The following CD226 variants were observed in gnomAD, a reference collection of about 807,000 sequenced individuals.
The protein encoded by CD226 is CD226 antigen.
CD226 carries 24 observed loss-of-function variants against 34.9 expected under a neutral mutation model. That is an observed-to-expected ratio of 0.69 (90% CI 0.50 to 0.97). The LOEUF (loss-of-function observed/expected upper bound fraction) is 0.97, where lower values mean the gene tolerates loss of function less well. Ranked by LOEUF, CD226 falls within the 50% of genes least tolerant of loss-of-function variation. CD226 has a pLI of 0.00. For synonymous variants in CD226, 148 were observed against 147.4 expected (o/e 1.00, Z -0.03); for missense variants, 397 against 412.7 (o/e 0.96, Z 0.33).
At chr18:69,938,105 C>T (rs1014870645) in intron 2 of CD226, among the ~76,000 whole-genome samples, 2 of 152,172 alleles carry the variant, frequency 1.3e-5, no homozygotes, top group Admixed American at 6.5e-5. Flanking sequence ...CAGTGAGGAA[C>T]ATCTCTGTGC....
rs1243332998 is a variant in CD226, at chr18:69,858,009, T to C, written c.*6305A>G. ...GTTGCAGGTTTAAAAATCAATAGAT[T>C]TGAATAAAGTTAAAGTCTAGAAAAA... On this transcript the variant is annotated 3_prime_UTR_variant, in exon 6 of 6. Transcript: ENST00000582621. 3 of 152,166 alleles carry C rather than the reference T, an allele frequency of 2.0e-5. No individual in the cohort carries two copies. Among genetic ancestry groups the C allele is most frequent in the Non-Finnish European group, 2.9e-5 (2 of 68,028 alleles). 9.4% of individuals were successfully genotyped at this position (152,166 alleles called of 1,614,324 possible).
At chr18:69,888,294 A>C (rs1250530793) in intron 3 of CD226, among the ~76,000 whole-genome samples, 1 of 152,208 alleles carries the variant, frequency 6.6e-6, no homozygotes, top group East Asian at 1.9e-4. Flanking sequence ...AACAATTCCC[A>C]GGTGCTTTTA....
intron 2 of CD226, among the ~76,000 whole-genome samples, chr18:69,937,642 C>T (rs2055671779): frequency 6.6e-6 from 1 of 152,128 alleles, no homozygotes; most frequent in South Asian, 2.1e-4. Context: ...TCAGGAAAGA[C>T]TTGATGAGTG....
rs1314887289 is a variant in CD226, at chr18:69,855,677, T to A, written c.*8637A>T. The A allele has an allele frequency of 1.3e-5, 2 of 151,908 alleles. No homozygotes were observed. Among genetic ancestry groups the A allele is most frequent in the South Asian group, 2.1e-4 (1 of 4,820 alleles). The allele number at this position is 151,908 out of a possible 1,614,324, so 9.4% of individuals were successfully genotyped here. On this transcript the variant is annotated 3_prime_UTR_variant, in exon 6 of 6. Transcript: ENST00000582621. ...AAAACCTAGGTTGATCAATGAAAGA[T>A]ATGCCACGAGAGAAAATTAAATCAT... is the stretch of plus-strand genomic sequence containing the variant.
chr18:69,957,223 T>TGCCTTTTCTTCCTCGTGTTTTTTC (rs1279486865), upstream of CD226: 1 of 152,240 alleles, frequency 6.6e-6, no homozygotes, highest in East Asian at 1.9e-4. Context: ...TTTGTTTCTT[T>TGCCTTTTCTTCCTCGTGTTTTTTC]GCCTTTTCTT....
At chr18:69,922,913 C>T (rs2055470217) in intron 2 of CD226, among the ~76,000 whole-genome samples, 1 of 152,102 alleles carries the variant, frequency 6.6e-6, no homozygotes, top group African/African-American at 2.4e-5. Flanking sequence ...AGGCAGATCG[C>T]CTAAGGTCAG....
chr18:69,907,997 T>G (rs531047369), intron 2 of CD226, among the ~76,000 whole-genome samples: 9 of 152,182 alleles, frequency 5.9e-5, no homozygotes, highest in Admixed American at 5.9e-4. Flanking sequence ...CAAATTACAA[T>G]TTAAAAATTA....
At position 69,946,635 on chromosome 18, in the gene CD226, A is replaced by G. The variant is rs2055795664; in HGVS notation, c.382+99T>C. ...AATGGAATTGGAGAATGCCACAGAAATACGAGAAGACATTCTATAGCTTCT... is the reference window on the plus strand; with the variant it reads ...AATGGAATTGGAGAATGCCACAGAAGTACGAGAAGACATTCTATAGCTTCT... On this transcript the variant is annotated intron_variant, in intron 2 of 5. Coordinates refer to ENST00000582621, the MANE Select transcript of CD226 (RefSeq NM_001303618.2). 8.8e-6 allele frequency: 7 copies of G among 792,420 alleles called. No individual in the cohort carries two copies. In the South Asian group the frequency reaches 1.2e-4, roughly 14 times the overall value. The allele number at this position is 792,420 out of a possible 1,614,324, so 49.1% of individuals were successfully genotyped here.
intron 2 of CD226, among the ~76,000 whole-genome samples, chr18:69,904,260 A>G (rs930008860): frequency 6.6e-6 from 1 of 152,238 alleles, no homozygotes; most frequent in African/African-American, 2.4e-5. Context: ...TGCATGGCAA[A>G]TCAGGATTCA....
chr18:69,939,739 A>G (rs2055699973), intron 2 of CD226, among the ~76,000 whole-genome samples: 1 of 152,222 alleles, frequency 6.6e-6, no homozygotes, highest in Non-Finnish European at 1.5e-5. Context: ...TGAGATTAAC[A>G]TTTAAATTGG....
At chr18:69,915,819 C>A (rs907235166) in intron 2 of CD226, among the ~76,000 whole-genome samples, 1 of 152,138 alleles carries the variant, frequency 6.6e-6, no homozygotes, top group African/African-American at 2.4e-5. Context: ...GGCTTCCTAA[C>A]TCTACTGTCT....
upstream of CD226, among the ~76,000 whole-genome samples, chr18:69,957,867 C>T (rs541641890): frequency 5.9e-5 from 9 of 152,316 alleles, no homozygotes; most frequent in African/African-American, 2.2e-4. Flanking sequence ...AAGAGAATAT[C>T]CAAATGTCTT....
In CD226 at chr18:69,904,255, G is replaced by A. The variant is rs571960700; in HGVS notation, c.383-8210C>T. On this transcript the variant is annotated intron_variant, in intron 2 of 5. Transcript: ENST00000582621. ...TAGATTCAGGCTGCGTGTCCTGCATGGCAAATCAGGATTCAGCCCAGAAAA... is the reference window on the plus strand; with the variant it reads ...TAGATTCAGGCTGCGTGTCCTGCATAGCAAATCAGGATTCAGCCCAGAAAA... Among the ~76,000 whole-genome samples, 3 of 152,310 alleles carry A rather than the reference G, an allele frequency of 2.0e-5. No homozygotes were observed. The East Asian group carries it at 5.8e-4, about 29-fold the overall frequency.
At chr18:69,953,869 G>A (rs1393161818) in intron 1 of CD226, among the ~76,000 whole-genome samples, 1 of 151,900 alleles carries the variant, frequency 6.6e-6, no homozygotes, top group Admixed American at 6.6e-5. Flanking sequence ...GCGTGGTGGT[G>A]CGCAACTGTA....
chr18:69,934,319 C>T (rs892236341), intron 2 of CD226, among the ~76,000 whole-genome samples: 2 of 152,130 alleles, frequency 1.3e-5, no homozygotes, highest in Middle Eastern at 3.4e-3. Flanking sequence ...CACGCACGCA[C>T]ACCCCTTCAC....
In CD226 at chr18:69,862,461, T is replaced by C. The variant is rs892915060; in HGVS notation, c.*1853A>G. ...TCTTGTAAACTGCCTTTCAAGTTTG[T>C]TACACTAATATATTTGTGGAAACAT... is the stretch of plus-strand genomic sequence containing the variant. On this transcript the variant is annotated 3_prime_UTR_variant, in exon 6 of 6. Transcript: ENST00000582621. The C allele has an allele frequency of 2.6e-5, 4 of 152,162 alleles. No homozygotes were observed. Among genetic ancestry groups the C allele is most frequent in the Non-Finnish European group, 5.9e-5 (4 of 68,000 alleles). The allele number at this position is 152,162 out of a possible 1,614,324, so 9.4% of individuals were successfully genotyped here. A position where few individuals can be genotyped will look rare whatever the true frequency, so the allele number is the denominator to read the frequency against.
rs960254348 is a variant in CD226 at position 69,889,766 on chromosome 18, T to C, written c.727+5935A>G. ...TATAACTTACAGCACTCTATTCCCC[T>C]GTCCTTCCTCCTTGTCAATCCTATA... On this transcript the variant is annotated intron_variant, in intron 3 of 5. Coordinates refer to ENST00000582621, the MANE Select transcript of CD226 (RefSeq NM_001303618.2). Among the ~76,000 whole-genome samples the C allele has an allele frequency of 6.4e-4, 98 of 152,166 alleles. 3 individuals are homozygous for C. Among genetic ancestry groups the C allele is most frequent in the South Asian group, 2.1e-4 (1 of 4,826 alleles).
At chr18:69,897,096 C>T (rs1985345591) in intron 2 of CD226, among the ~76,000 whole-genome samples, 1 of 152,298 alleles carries the variant, frequency 6.6e-6, no homozygotes, top group Middle Eastern at 3.4e-3. Flanking sequence ...GAAATTCCCC[C>T]TCTTCACTCC....
intron 4 of CD226, among the ~76,000 whole-genome samples, chr18:69,868,117 C>T (rs1290589010): frequency 1.3e-5 from 2 of 152,098 alleles, no homozygotes; most frequent in Admixed American, 6.5e-5. Context: ...CCATAAAAAC[C>T]TAACCAGGGG....
Sources: allele counts gnomAD v4.1 joint callset (sites outside exome capture counted in the v4.1 genomes callset), GRCh38; gene constraint gnomAD v4.1.1; transcripts MANE v1.5; gene names NCBI Gene and HGNC (gene_info 2026-07-23, HGNC 2026-07-21).